SUPT3H: variants seen among roughly 807,000 people sequenced by gnomAD.
SUPT3H encodes the protein SPT3 homolog, SAGA and STAGA complex component.
A neutral mutation model predicts 44.3 loss-of-function variants in SUPT3H; 44 were observed. That is an observed-to-expected ratio of 0.99 (90% confidence interval 0.78 to 1.28). The LOEUF is 1.28. Among genes scored for constraint, SUPT3H ranks in the 50% most tolerant of loss-of-function variants. The pLI is 0.00. For synonymous variants in SUPT3H, 124 were observed against 125.6 expected (o/e 0.99, Z 0.09); for missense variants, 380 against 387.1 (o/e 0.98, Z 0.15).
intron 3 of SUPT3H, among the ~76,000 whole-genome samples, chr6:45,052,750 A>G (rs1185134049): frequency 6.6e-6 from 1 of 152,224 alleles, no homozygotes; most frequent in African/African-American, 2.4e-5. Flanking sequence ...ACACTACACC[A>G]GAGGCTGGGA....
intron 9 of SUPT3H, among the ~76,000 whole-genome samples, chr6:44,944,762 C>CAAAAAAAAAAAAAAAAAAAAAAAAAA (rs57506313): frequency 5.4e-4 from 16 of 29,888 alleles, no homozygotes; most frequent in East Asian, 7.8e-4. Flanking sequence ...ACCCTCTCTC[C>CAAAAAAAAAAAAAAAAAAAAAAAAAA]AAAAAAAAAA....
chr6:45,128,361 C>T (rs983007473), intron 2 of SUPT3H, among the ~76,000 whole-genome samples: 2 of 150,774 alleles, frequency 1.3e-5, no homozygotes, highest in Non-Finnish European at 3.0e-5. Context: ...AAAAACTAGC[C>T]AGGCATGGTG....
In SUPT3H at chr6:45,365,107, CAAGTT is replaced by C. The variant is rs1794903914; in HGVS notation, c.101+89_101+93del. 6 of 759,894 alleles carry C rather than the reference CAAGTT, an allele frequency of 7.9e-6. No individual in the cohort carries two copies. In the Admixed American group the frequency reaches 1.2e-4, roughly 15 times the overall value. 47.1% of individuals were successfully genotyped at this position (759,894 alleles called of 1,614,324 possible). On this transcript the variant is annotated intron_variant, in intron 2 of 10. Coordinates refer to ENST00000371459, the MANE Select transcript of SUPT3H (RefSeq NM_003599.4). The stretch of plus-strand genomic sequence containing the variant: ...TACTTGATTAATAACAAATTATTTC[CAAGTT>C]AAGTTTTATAAATGTTGTTATGTCT...
intron 2 of SUPT3H, among the ~76,000 whole-genome samples, chr6:45,140,368 T>C (rs1327847850): frequency 6.6e-6 from 1 of 152,106 alleles, no homozygotes; most frequent in African/African-American, 2.4e-5. Flanking sequence ...CTTAGCATAT[T>C]TACCTTGGCC....
intron 2 of SUPT3H, among the ~76,000 whole-genome samples, chr6:45,272,797 A>AAGC (rs58006727): frequency 0.98 from 149,062 of 152,164 alleles, 73,023 homozygotes; most frequent in Middle Eastern, 1. Flanking sequence ...CTCTAATAAT[A>AAGC]AGATGTTATC....
intron 10 of SUPT3H, among the ~76,000 whole-genome samples, chr6:44,904,596 A>G (rs1765670580): frequency 6.6e-6 from 1 of 152,236 alleles, no homozygotes; most frequent in Admixed American, 6.5e-5. Flanking sequence ...CATACTGCCC[A>G]AGGTAATTTA....
At chr6:44,868,102 A>T (rs1775789315) in intron 10 of SUPT3H, among the ~76,000 whole-genome samples, 2 of 152,116 alleles carry the variant, frequency 1.3e-5, no homozygotes, top group Non-Finnish European at 2.9e-5. Context: ...TTTCCCGTTA[A>T]AGTTTTAAAC....
At chr6:45,016,257 C>T (rs1473725119) in intron 4 of SUPT3H, among the ~76,000 whole-genome samples, 2 of 152,002 alleles carry the variant, frequency 1.3e-5, no homozygotes, top group African/African-American at 4.8e-5. Flanking sequence ...TATGGGACTA[C>T]TGCTGTATTT....
At chr6:44,813,028 G>T (rs1766642281) in intron 11 of SUPT3H, among the ~76,000 whole-genome samples, 1 of 152,166 alleles carries the variant, frequency 6.6e-6, no homozygotes, top group African/African-American at 2.4e-5. Flanking sequence ...AGATTTCAGA[G>T]CTCACCAGGG....
At chr6:44,927,922 T>C (rs1769790150) in intron 10 of SUPT3H, among the ~76,000 whole-genome samples, 1 of 152,118 alleles carries the variant, frequency 6.6e-6, no homozygotes, top group Admixed American at 6.5e-5. Flanking sequence ...TGGTTTCCGC[T>C]TACTTTGTAT....
chr6:44,909,846 T>C (rs903087966), intron 10 of SUPT3H, among the ~76,000 whole-genome samples: 1 of 152,230 alleles, frequency 6.6e-6, no homozygotes, highest in Non-Finnish European at 1.5e-5. Flanking sequence ...TTTAGAAATG[T>C]TGGCAGGCTA....
rs781512633 is a variant in SUPT3H, at chr6:44,961,768, G to A, written c.565C>T (p.Arg189Ter). ...AGTTACTTACAGAAACTTAATTGTC[G>A]ACTTTCACAGAATTCTGCATATTGA... ...SAQYAEFCES[R>*]QLSFSKKASK... Residue 189 changes from arginine to a stop codon, truncating the protein, a stop_gained, in exon 7 of 11, where the codon CGA (arginine) becomes TGA (stop). Transcript: ENST00000371459. LOFTEE classifies it high-confidence loss of function. The A allele has an allele frequency of 3.1e-6, 5 of 1,606,166 alleles. No homozygotes were observed. Among genetic ancestry groups the A allele is most frequent in the Non-Finnish European group, 4.2e-6 (5 of 1,177,810 alleles).
At chr6:45,048,177 G>A (rs901260445) in intron 3 of SUPT3H, among the ~76,000 whole-genome samples, 16 of 149,128 alleles carry the variant, frequency 1.1e-4, no homozygotes, top group Non-Finnish European at 1.6e-4. Context: ...TCAGATATAT[G>A]GCTTGCGAAT....
chr6:45,321,564 A>T (rs542887116), intron 2 of SUPT3H, among the ~76,000 whole-genome samples: 8 of 152,310 alleles, frequency 5.3e-5, no homozygotes, highest in Non-Finnish European at 1.2e-4. Context: ...CATATTCCAT[A>T]GTATCGTCGC....
intron 4 of SUPT3H, among the ~76,000 whole-genome samples, chr6:45,018,189 T>C (rs1200370165): frequency 3.9e-5 from 6 of 152,278 alleles, no homozygotes; most frequent in Middle Eastern, 3.4e-3. Flanking sequence ...TTTTTGTACA[T>C]TGATTTTGTA....
chr6:45,085,571 A>G (rs1264942350), intron 3 of SUPT3H, among the ~76,000 whole-genome samples: 1 of 152,180 alleles, frequency 6.6e-6, no homozygotes, highest in Non-Finnish European at 1.5e-5. Flanking sequence ...TATGGAAAAA[A>G]TTATTCAGAA....
At chr6:44,929,715 T>C (rs1334581130) in intron 10 of SUPT3H, among the ~76,000 whole-genome samples, 1 of 151,534 alleles carries the variant, frequency 6.6e-6, no homozygotes, top group African/African-American at 2.4e-5. Flanking sequence ...GAGTGGACCT[T>C]AGGGAAGTGA....
intron 3 of SUPT3H, among the ~76,000 whole-genome samples, chr6:45,084,072 C>T (rs1306094559): frequency 2.6e-5 from 4 of 152,178 alleles, no homozygotes. Context: ...CCACTTTGGA[C>T]ACTGACCTTG....
chr6:44,886,159 C>A (rs909485591), intron 10 of SUPT3H, among the ~76,000 whole-genome samples: 1 of 152,052 alleles, frequency 6.6e-6, no homozygotes, highest in Non-Finnish European at 1.5e-5. Context: ...CTGAAAGTGA[C>A]GGGGGAGAAT....
Sources: gnomAD v4.1 joint callset for allele counts (sites outside exome capture counted in the v4.1 genomes callset) on GRCh38, gnomAD v4.1.1 for gene constraint, MANE v1.5 for transcripts, NCBI Gene and HGNC (gene_info 2026-07-23, HGNC 2026-07-21) for gene names.